The following FNDC3A variants were observed in gnomAD, a reference collection of about 807,000 sequenced individuals.
FNDC3A encodes the protein fibronectin type III domain containing 3A.
Under a neutral mutation model 148.9 loss-of-function variants are expected in FNDC3A, and 32 were observed. That is an observed-to-expected ratio of 0.21 (90% CI 0.16 to 0.29). FNDC3A has a LOEUF of 0.29. Among genes scored for constraint, FNDC3A ranks in the 10% least tolerant of loss-of-function variants. The pLI is 1.00. For synonymous variants in FNDC3A, 472 were observed against 473.6 expected (o/e 1.00, Z 0.04); for missense variants, 1,191 against 1,452.8 (o/e 0.82, Z 2.93).
intron 4 of FNDC3A, among the ~76,000 whole-genome samples, chr13:49,123,010 A>G (rs1272342195): frequency 6.6e-6 from 1 of 152,248 alleles, no homozygotes; most frequent in Non-Finnish European, 1.5e-5. Context: ...TAAATTTCAT[A>G]TGGAACCAAA....
intron 14 of FNDC3A, among the ~76,000 whole-genome samples, chr13:49,179,005 A>G (rs566796261): frequency 1.6e-4 from 24 of 152,220 alleles, no homozygotes; most frequent in African/African-American, 5.5e-4. Flanking sequence ...GGGATTACAG[A>G]CACAAGCCAC....
At chr13:49,053,170 A>C (rs1435334647) in intron 2 of FNDC3A, among the ~76,000 whole-genome samples, 1 of 152,238 alleles carries the variant, frequency 6.6e-6, no homozygotes. Context: ...GAAAGCAAGC[A>C]GACTCACAGT....
intron 3 of FNDC3A, among the ~76,000 whole-genome samples, chr13:49,091,076 A>G (rs988807857): frequency 8.5e-5 from 13 of 152,296 alleles, no homozygotes; most frequent in East Asian, 3.9e-4. Flanking sequence ...TTAAATGTAC[A>G]TCTCAGGCTG....
chr13:49,148,916 C>A (rs1479857762), intron 8 of FNDC3A, among the ~76,000 whole-genome samples: 1 of 152,010 alleles, frequency 6.6e-6, no homozygotes, highest in Non-Finnish European at 1.5e-5. Flanking sequence ...AGAGATCTTT[C>A]TACCTGTTAT....
intron 7 of FNDC3A, among the ~76,000 whole-genome samples, chr13:49,144,784 A>G (rs1010860096): frequency 6.6e-6 from 1 of 152,234 alleles, no homozygotes; most frequent in Non-Finnish European, 1.5e-5. Flanking sequence ...ACATTTGTAC[A>G]GTACATTTTC....
intron 3 of FNDC3A, among the ~76,000 whole-genome samples, chr13:49,081,093 T>C (rs573780782): frequency 1.3e-5 from 2 of 152,226 alleles, no homozygotes; most frequent in Non-Finnish European, 2.9e-5. Flanking sequence ...AGATGTGTTA[T>C]AGCCAACAGT....
chr13:49,147,916 T>G (rs1177874501), intron 8 of FNDC3A, among the ~76,000 whole-genome samples: 2 of 152,210 alleles, frequency 1.3e-5, no homozygotes, highest in South Asian at 4.1e-4. Context: ...TTTGTAATAG[T>G]AGCCATTCTA....
intron 1 of FNDC3A, among the ~76,000 whole-genome samples, chr13:49,004,757 AT>A (rs905195497): frequency 7.9e-5 from 12 of 151,866 alleles, no homozygotes; most frequent in Admixed American, 2.6e-4. Flanking sequence ...AGTGGTTTTT[AT>A]TTTTTTTAAT....
At chr13:49,175,568 G>C in intron 13 of FNDC3A, 27 bp downstream of exon 13, 1 of 1,491,568 alleles carries the variant, frequency 6.7e-7, no homozygotes, top group Non-Finnish European at 9.2e-7. Flanking sequence ...ATTTTAAATA[G>C]TGTATTTAAA....
At chr13:48,989,353 A>G (rs982496995) in intron 1 of FNDC3A, among the ~76,000 whole-genome samples, 11 of 152,246 alleles carry the variant, frequency 7.2e-5, no homozygotes, top group Admixed American at 4.6e-4. Flanking sequence ...AATACAAACC[A>G]TATTGAGAAA....
intron 8 of FNDC3A, among the ~76,000 whole-genome samples, chr13:49,147,287 G>A (rs1042851054): frequency 4.6e-5 from 7 of 152,096 alleles, no homozygotes; most frequent in African/African-American, 1.7e-4. Flanking sequence ...GAGCACGAGG[G>A]GGGCATTAGT....
At chr13:49,184,886 A>G (rs1053731032) in intron 14 of FNDC3A, among the ~76,000 whole-genome samples, 1 of 151,686 alleles carries the variant, frequency 6.6e-6, no homozygotes, top group Non-Finnish European at 1.5e-5. Context: ...ATAAGGGCTT[A>G]GAAATGTAAA....
intron 5 of FNDC3A, among the ~76,000 whole-genome samples, chr13:49,135,228 T>C (rs573556760): frequency 1.3e-5 from 2 of 152,286 alleles, no homozygotes; most frequent in African/African-American, 4.8e-5. Context: ...GGGATATTTG[T>C]CTTTTTATTG....
chr13:48,985,420 C>T (rs1304190079), intron 1 of FNDC3A, among the ~76,000 whole-genome samples: 1 of 152,136 alleles, frequency 6.6e-6, no homozygotes, highest in Non-Finnish European at 1.5e-5. Flanking sequence ...GAAATGCTAT[C>T]ATTCATTAAT....
intron 14 of FNDC3A, 46 bp from the exon 15 acceptor site, chr13:49,185,918 T>C: frequency 6.9e-7 from 1 of 1,458,278 alleles, no homozygotes; most frequent in Middle Eastern, 2.3e-4. Context: ...GCCAGTATCA[T>C]TAGGTATCAA....
intron 2 of FNDC3A, chr13:49,044,611 A>C: frequency 5.3e-6 from 1 of 188,542 alleles, no homozygotes. Context: ...CAGAGGTTGC[A>C]GTAAGCTGAG....
Position 49,102,607 on chromosome 13 carries a change from C to T in FNDC3A, c.176-12048C>T, listed in dbSNP as rs564263804. Among the ~76,000 whole-genome samples the T allele has an allele frequency of 2.6e-5, 4 of 152,286 alleles. No individual in the cohort carries two copies. In the East Asian group the frequency reaches 7.7e-4, roughly 29 times the overall value. ...CTCAGTGTTAGTGACGTGGTCACTA[C>T]ATTCAAGGACCTTTTGGTTATAGTG... On this transcript the variant is annotated intron_variant, in intron 3 of 25. Coordinates refer to ENST00000492622, the MANE Select transcript of FNDC3A (RefSeq NM_001079673.2).
chr13:48,982,878 G>T (rs771160397), intron 1 of FNDC3A, among the ~76,000 whole-genome samples: 8 of 152,262 alleles, frequency 5.3e-5, no homozygotes, highest in Middle Eastern at 3.4e-3. Context: ...TCATTTTACA[G>T]TGTAGTAATA....
At chr13:48,983,553 C>T (rs1317945590) in intron 1 of FNDC3A, among the ~76,000 whole-genome samples, 1 of 152,128 alleles carries the variant, frequency 6.6e-6, no homozygotes, top group African/African-American at 2.4e-5. Flanking sequence ...ACTTCATTTA[C>T]GAAACTAGGC....
Sources: gnomAD v4.1 joint callset for allele counts (sites outside exome capture counted in the v4.1 genomes callset) on GRCh38, gnomAD v4.1.1 for gene constraint, MANE v1.5 for transcripts, NCBI Gene and HGNC (gene_info 2026-07-23, HGNC 2026-07-21) for gene names.